The following CDK5RAP2 variants were observed in gnomAD, a reference collection of about 807,000 sequenced individuals.
CDK5RAP2 encodes the protein CDK5 regulatory subunit-associated protein 2.
CDK5RAP2 carries 147 observed loss-of-function variants against 232.9 expected under a neutral mutation model. The observed-to-expected ratio is 0.63, with a 90% CI of 0.55 to 0.72. The LOEUF (loss-of-function observed/expected upper bound fraction) is 0.72, where lower values mean the gene tolerates loss of function less well. Ranked by LOEUF, CDK5RAP2 falls within the 30% of genes least tolerant of loss-of-function variation. The pLI is 0.00. For missense variants in CDK5RAP2, 2,195 were observed against 2,231.5 expected (o/e 0.98, Z 0.33); for synonymous variants, 833 against 833.7 (o/e 1.00, Z 0.01).
intron 14 of CDK5RAP2, among the ~76,000 whole-genome samples, chr9:120,479,521 C>A (rs2038193927): frequency 6.6e-6 from 1 of 152,140 alleles, no homozygotes; most frequent in South Asian, 2.1e-4. Flanking sequence ...TGGGGCAAAT[C>A]CAACTGTGTA....
At position 120,424,535 on chromosome 9, in the gene CDK5RAP2, T is replaced by C. The variant is rs557853206; in HGVS notation, c.3956-1794A>G. 4.6e-5 allele frequency among the ~76,000 whole-genome samples: 7 copies of C among 152,110 alleles called. No individual in the cohort carries two copies. In the East Asian group the frequency reaches 7.7e-4, roughly 17 times the overall value. ...AGCTTAGTCAACATTTTTCATCTCA[T>C]ACCTGCACTGGGCTGCTTACCAACA... On this transcript the variant is annotated intron_variant, in intron 25 of 37. Coordinates refer to ENST00000349780, the MANE Select transcript of CDK5RAP2 (RefSeq NM_018249.6).
intron 32 of CDK5RAP2, chr9:120,406,102 C>A (rs190938886): frequency 1.3e-5 from 2 of 152,304 alleles, no homozygotes; most frequent in East Asian, 3.9e-4. Context: ...GAACTAATCA[C>A]TACGAGCGGA....
intron 1 of CDK5RAP2, among the ~76,000 whole-genome samples, chr9:120,573,614 A>G (rs1043141376): frequency 1.3e-5 from 2 of 152,118 alleles, no homozygotes; most frequent in Non-Finnish European, 1.5e-5. Context: ...CGTAAACAGA[A>G]TATGTCCTCA....
At position 120,509,377 on chromosome 9, in the gene CDK5RAP2, G is replaced by A. The variant is rs556782731; in HGVS notation, c.1311+9050C>T. ...AAAACAGGAAAGAAAAGAAGGAATC[G>A]GATACACTGAGCATCAACTTCTCTG... On this transcript the variant is annotated intron_variant, in intron 12 of 37. Transcript: ENST00000349780. Among the ~76,000 whole-genome samples, 30 of 152,194 alleles carry A rather than the reference G, an allele frequency of 2.0e-4. 1 individual carries two copies. In the South Asian group the frequency reaches 6.0e-3, roughly 31 times the overall value.
At chr9:120,416,409 G>T (rs2034222387) in intron 27 of CDK5RAP2, among the ~76,000 whole-genome samples, 1 of 152,160 alleles carries the variant, frequency 6.6e-6, no homozygotes, top group Non-Finnish European at 1.5e-5. Context: ...ATACTGCAAG[G>T]AAGACTAAAT....
intron 1 of CDK5RAP2, among the ~76,000 whole-genome samples, chr9:120,574,821 CTTTTTT>C (rs35178148): frequency 3.7e-4 from 48 of 128,562 alleles, no homozygotes; most frequent in Non-Finnish European, 5.4e-4. Flanking sequence ...TTAATGTTGC[CTTTTTT>C]TTTTTTTTTT....
chr9:120,487,774 CCTAGGTTCAT>C (rs1392592739), intron 13 of CDK5RAP2, among the ~76,000 whole-genome samples: 1 of 152,224 alleles, frequency 6.6e-6, no homozygotes, highest in Non-Finnish European at 1.5e-5. Flanking sequence ...TGGTTCCAAA[CCTAGGTTCAT>C]CCTGCTCAGG....
rs1181863675 is a variant in CDK5RAP2, at chr9:120,415,583, T to G, written c.4178-424A>C. 2.0e-5 allele frequency among the ~76,000 whole-genome samples: 3 copies of G among 152,358 alleles called. No homozygotes were observed. The East Asian group carries it at 5.8e-4, about 29-fold the overall frequency. ...CCAGATATTTTCGAGACTAATTTTT[T>G]GAAAGGAATATGTTATCCATTTATC... On this transcript the variant is annotated intron_variant, in intron 27 of 37. Transcript: ENST00000349780.
intron 7 of CDK5RAP2, among the ~76,000 whole-genome samples, chr9:120,531,835 A>C (rs1564346962): frequency 1.3e-5 from 2 of 152,206 alleles, no homozygotes; most frequent in African/African-American, 4.8e-5. Flanking sequence ...ACAAGGTGCC[A>C]GGCAGCACCA....
intron 36 of CDK5RAP2, among the ~76,000 whole-genome samples, chr9:120,392,474 C>A (rs2032080317): frequency 6.6e-6 from 1 of 152,180 alleles, no homozygotes; most frequent in South Asian, 2.1e-4. Context: ...CCCATCGAAA[C>A]CTACTTCTGC....
In CDK5RAP2 at chr9:120,518,741, A is replaced by AG. The variant is rs1251041598; in HGVS notation, c.1093-97dup. 5.3e-6 allele frequency: 5 copies of AG among 935,872 alleles called. No individual in the cohort carries two copies. In the East Asian group the frequency reaches 1.2e-4, roughly 23 times the overall value. The allele number at this position is 935,872 out of a possible 1,614,324, so 58.0% of individuals were successfully genotyped here. A position where few individuals can be genotyped will look rare whatever the true frequency, so the allele number is the denominator to read the frequency against. ...CTCTTTTTCGCCGTGGGGGAAAAAAAGAAAAGAAAAAGATTAACATAGACA... is the reference window on the plus strand; with the variant it reads ...CTCTTTTTCGCCGTGGGGGAAAAAAAGGAAAAGAAAAAGATTAACATAGACA... On this transcript the variant is annotated intron_variant, in intron 11 of 37. Coordinates refer to ENST00000349780, the MANE Select transcript of CDK5RAP2 (RefSeq NM_018249.6).
chr9:120,398,712 G>C (rs1385539172), intron 35 of CDK5RAP2, among the ~76,000 whole-genome samples: 1 of 152,014 alleles, frequency 6.6e-6, no homozygotes, highest in Non-Finnish European at 1.5e-5. Flanking sequence ...GTTTGTTATT[G>C]TTTATCCTCC....
chr9:120,433,392 C>A (rs1194944165), intron 25 of CDK5RAP2, among the ~76,000 whole-genome samples: 1 of 152,196 alleles, frequency 6.6e-6, no homozygotes, highest in Non-Finnish European at 1.5e-5. Context: ...GCACCCAGCA[C>A]TGAGCCAAGC....
intron 1 of CDK5RAP2, among the ~76,000 whole-genome samples, chr9:120,578,909 G>C (rs951215686): frequency 6.6e-6 from 1 of 152,074 alleles, no homozygotes; most frequent in Non-Finnish European, 1.5e-5. Flanking sequence ...TAAATAACAT[G>C]GTCACCCTTT....
At position 120,470,337 on chromosome 9, in the gene CDK5RAP2, G is replaced by C. The variant is rs2037626170; in HGVS notation, c.1859-117C>G. ...ATCCAAAGCAATGTGAATGGGGGAGGTGGGGCGGAAGGGAGCATAGTACAC... is the reference window on the plus strand; with the variant it reads ...ATCCAAAGCAATGTGAATGGGGGAGCTGGGGCGGAAGGGAGCATAGTACAC... On this transcript the variant is annotated intron_variant, in intron 16 of 37. Coordinates refer to ENST00000349780, the MANE Select transcript of CDK5RAP2 (RefSeq NM_018249.6). 6.5e-6 allele frequency: 4 copies of C among 617,880 alleles called. No individual in the cohort carries two copies. In the South Asian group the frequency reaches 8.2e-5, roughly 13 times the overall value. 38.3% of individuals were successfully genotyped at this position (617,880 alleles called of 1,614,324 possible).
intron 5 of CDK5RAP2, 59 bp downstream of exon 5, chr9:120,545,655 T>C (rs1564363064): frequency 3.1e-6 from 4 of 1,286,222 alleles, no homozygotes; most frequent in Admixed American, 1.7e-5. Flanking sequence ...TACGGCTCTA[T>C]TTCACTGACC....
intron 10 of CDK5RAP2, 35 bp downstream of exon 10, chr9:120,527,771 A>G (rs2040969201): frequency 6.2e-7 from 1 of 1,610,352 alleles, no homozygotes; most frequent in South Asian, 1.1e-5. Flanking sequence ...AGAAGCTAAT[A>G]AAGAAAAATC....
chr9:120,392,754 A>C (rs1564159381), intron 36 of CDK5RAP2, among the ~76,000 whole-genome samples: 1 of 152,100 alleles, frequency 6.6e-6, no homozygotes, highest in African/African-American at 2.4e-5. Context: ...CCAGAACCCC[A>C]CAGACATCCA....
intron 18 of CDK5RAP2, among the ~76,000 whole-genome samples, chr9:120,463,838 T>G (rs1296191724): frequency 6.6e-6 from 1 of 152,240 alleles, no homozygotes; most frequent in Non-Finnish European, 1.5e-5. Flanking sequence ...TTAAATGTTA[T>G]GGACATAGAG....
Sources: gnomAD v4.1 joint callset for allele counts (sites outside exome capture counted in the v4.1 genomes callset) on GRCh38, gnomAD v4.1.1 for gene constraint, MANE v1.5 for transcripts, NCBI Gene and HGNC (gene_info 2026-07-23, HGNC 2026-07-21) for gene names.